The following FRMD1 variants were observed in gnomAD, a reference collection of about 807,000 sequenced individuals.
The protein encoded by FRMD1 is FERM domain containing 1.
A neutral mutation model predicts 54.9 loss-of-function variants in FRMD1; 51 were observed. The ratio of observed to expected loss-of-function variants is 0.93; its 90% confidence interval spans 0.74 to 1.17. The LOEUF is 1.17. FRMD1 is among the 50% of genes most tolerant of loss of function. The pLI, the probability that FRMD1 is intolerant of heterozygous loss-of-function variation, is 0.00. For missense variants in FRMD1, 729 were observed against 743.0 expected (o/e 0.98, Z 0.22); for synonymous variants, 324 against 306.4 (o/e 1.06, Z -0.60).
chr6:168,075,803 C>T (rs1048737701), intron 1 of FRMD1: 39 of 1,550,052 alleles, frequency 2.5e-5, no homozygotes, highest in Middle Eastern at 1.7e-4. Context: ...CCTCTCACGG[C>T]AGCCTCTAAA....
At chr6:168,081,979 G>T (rs9455946), upstream of FRMD1, 1 of 154,670 alleles carries the variant, frequency 6.5e-6, no homozygotes, top group Non-Finnish European at 1.4e-5. Flanking sequence ...AAGCCTTCAA[G>T]ATACGGCAGG....
chr6:168,077,309 C>T (rs1447819750), intron 1 of FRMD1, among the ~76,000 whole-genome samples: 1 of 149,786 alleles, frequency 6.7e-6, no homozygotes, highest in Non-Finnish European at 1.5e-5. Context: ...TAACTGCAGA[C>T]ATAGACGACT....
chr6:168,072,055 C>G (rs79045726), intron 2 of FRMD1, among the ~76,000 whole-genome samples: 6,761 of 152,348 alleles, frequency 0.044, 203 homozygotes, highest in Non-Finnish European at 0.07. Context: ...TAGAAGCCAG[C>G]CGATGGCGTC....
rs73028311 is a variant in FRMD1, at chr6:168,059,504, C to T, written c.1343-316G>A. Among the ~76,000 whole-genome samples the T allele has an allele frequency of 0.019, 2,932 of 152,272 alleles. 36 individuals are homozygous for T. The highest frequency in any genetic ancestry group is 0.027 in the Non-Finnish European group (1,869 of 68,010). Reference sequence around the variant, plus strand: ...GGACCAGACACTCCAAGGGCAATGGCGGACACAGTGGCTTAGTGACAGGAA... The same window carrying T: ...GGACCAGACACTCCAAGGGCAATGGTGGACACAGTGGCTTAGTGACAGGAA... On this transcript the variant is annotated intron_variant, in intron 9 of 10. Coordinates refer to ENST00000283309, the MANE Select transcript of FRMD1 (RefSeq NM_024919.6). The surrounding 1 kb of genome is among the most constrained non-coding windows in gnomAD (Gnocchi z 4.4).
In FRMD1 at chr6:168,062,680, C is replaced by G; in HGVS notation, c.870+214G>C. 4 of 1,550,684 alleles carry G rather than the reference C, an allele frequency of 2.6e-6. 1 individual carries two copies. In the South Asian group the frequency reaches 4.8e-5, roughly 18 times the overall value. On this transcript the variant is annotated intron_variant, in intron 7 of 10. Transcript: ENST00000283309. The stretch of plus-strand genomic sequence containing the variant: ...CCCCCCAGACACCCACCAGAAATGC[C>G]AGCTTCCCAACGTGGGGCCAGGGGA...
chr6:168,075,860 CATTT>C, intron 1 of FRMD1: 291 of 1,429,388 alleles, frequency 2.0e-4, no homozygotes, highest in South Asian at 6.5e-4. Context: ...CCCGTGTCCA[CATTT>C]CCGGTGCCCG....
At position 168,062,743 on chromosome 6, in the gene FRMD1, C is replaced by A. The variant is rs536535026; in HGVS notation, c.870+151G>T. The A allele has an allele frequency of 9.9e-5, 155 of 1,566,944 alleles. 1 individual carries two copies. The highest frequency in any genetic ancestry group is 2.2e-5 in the Non-Finnish European group (25 of 1,156,066). On this transcript the variant is annotated intron_variant, in intron 7 of 10. Transcript: ENST00000283309. ...GCTGCGGAGCACGGTCCACCTCCTGCGGGACAGCAGAGGCAGGGCGCGTCC... is the reference window on the plus strand; with the variant it reads ...GCTGCGGAGCACGGTCCACCTCCTGAGGGACAGCAGAGGCAGGGCGCGTCC...
rs1401502771 is a variant in FRMD1 at position 168,063,057 on chromosome 6, A to T, written c.805-98T>A. 2.6e-5 allele frequency: 26 copies of T among 998,122 alleles called. No homozygotes were observed. The East Asian group carries it at 6.2e-4, about 24-fold the overall frequency. The allele number at this position is 998,122 out of a possible 1,614,324, so 61.8% of individuals were successfully genotyped here. ...AGTCTGGCTAGGGGCCGAGGGCTCCATGGACCAGGCTGAGCTCTGGGGCCC... is the reference window on the plus strand; with the variant it reads ...AGTCTGGCTAGGGGCCGAGGGCTCCTTGGACCAGGCTGAGCTCTGGGGCCC... On this transcript the variant is annotated intron_variant, in intron 6 of 10. Coordinates refer to ENST00000283309, the MANE Select transcript of FRMD1 (RefSeq NM_024919.6).
Position 168,055,958 on chromosome 6 carries a change from C to T in FRMD1, c.*1139G>A, listed in dbSNP as rs1799383179. ...CCATGGGGCTCAAGCTCATGCTTGT[C>T]TCCAGTGAGCTGGAGGGTGGTGTGG... On this transcript the variant is annotated 3_prime_UTR_variant, in exon 11 of 11. Transcript: ENST00000283309. 6.6e-6 allele frequency: 1 copy of T among 152,320 alleles called. No individual in the cohort carries two copies. The highest frequency in any genetic ancestry group is 2.1e-4 in the South Asian group (1 of 4,836). The allele number at this position is 152,320 out of a possible 1,614,324, so 9.4% of individuals were successfully genotyped here. A position where few individuals can be genotyped will look rare whatever the true frequency, so the allele number is the denominator to read the frequency against.
rs373299632 is a variant in FRMD1 at position 168,061,879 on chromosome 6, G to A, written c.973C>T (p.Arg325Cys). 8.8e-5 allele frequency: 140 copies of A among 1,587,644 alleles called. No individual in the cohort carries two copies. Among genetic ancestry groups the A allele is most frequent in the South Asian group, 7.1e-4 (62 of 87,186 alleles). The change falls in exon 8 of 11, where the codon CGC (arginine) becomes TGC (cysteine). Residue 325 changes from arginine (R) to cysteine (C), a missense_variant. Coordinates refer to ENST00000283309, the MANE Select transcript of FRMD1 (RefSeq NM_024919.6). Reference sequence around the variant, plus strand: ...CGGAGGTGGAGCTGGTGGCTGGCGCGCAGCAGGTGCAGCAGGTGCCTGGAC... The same window carrying A: ...CGGAGGTGGAGCTGGTGGCTGGCGCACAGCAGGTGCAGCAGGTGCCTGGAC... ...WRSRHLLHLLRASHQLHLRVR... is the reference protein window; with the variant it reads ...WRSRHLLHLLCASHQLHLRVR...
chr6:168,057,123 C>T lies in FRMD1; in HGVS notation c.1624G>A (p.Ala542Thr), dbSNP rs958472132. ...NCLALDLFGE[A>T]PPQEFVV ...TACACCACAAACTCCTGTGGTGGAG[C>T]CTCTCCGAACAGGTCCAGGGCGAGA... Residue 542 changes from alanine to threonine, a missense_variant, in exon 11 of 11, where the codon GCT (alanine) becomes ACT (threonine). Coordinates refer to ENST00000283309, the MANE Select transcript of FRMD1 (RefSeq NM_024919.6). The T allele has an allele frequency of 6.7e-7, 1 of 1,498,288 alleles. No individual in the cohort carries two copies. Among genetic ancestry groups the T allele is most frequent in the South Asian group, 1.4e-5 (1 of 73,300 alleles). The allele number at this position is 1,498,288 out of a possible 1,614,324, so 92.8% of individuals were successfully genotyped here.
intron 7 of FRMD1, 34 bp downstream of exon 7, chr6:168,062,860 A>C (rs1799824530): frequency 1.2e-6 from 2 of 1,608,120 alleles, no homozygotes; most frequent in African/African-American, 1.3e-5. Context: ...GGGCAGGACG[A>C]GGGGCTCTGT....
upstream of FRMD1, chr6:168,081,442 G>A (rs780805597): frequency 3.3e-5 from 51 of 1,535,478 alleles, no homozygotes; most frequent in African/African-American, 2.9e-4. Context: ...GGCAGAGGCC[G>A]CGAGGAAGAG....
chr6:168,076,325 C>A (rs540389059), intron 1 of FRMD1, among the ~76,000 whole-genome samples: 2 of 152,250 alleles, frequency 1.3e-5, no homozygotes. Context: ...GAGTATCCAG[C>A]TTACTAATCC....
chr6:168,064,240 A>T (rs940359128), intron 5 of FRMD1, among the ~76,000 whole-genome samples: 35 of 152,342 alleles, frequency 2.3e-4, no homozygotes, highest in African/African-American at 7.9e-4. Flanking sequence ...CAAAGGTGAG[A>T]AGGCCCCAAG....
chr6:168,066,523 A>T (rs1035048088), intron 4 of FRMD1: 2 of 1,277,514 alleles, frequency 1.6e-6, no homozygotes, highest in African/African-American at 3.1e-5. Flanking sequence ...CAAAACAAAA[A>T]GAAAAAGAAA....
intron 10 of FRMD1, 59 bp from the exon 11 acceptor site, chr6:168,057,398 A>T (rs1462147566): frequency 1.6e-5 from 26 of 1,576,760 alleles, no homozygotes; most frequent in Non-Finnish European, 2.2e-5. Context: ...ACCACCGCAC[A>T]CGGCAGCCAC....
chr6:168,080,318 C>T (rs958949655), upstream of FRMD1, among the ~76,000 whole-genome samples: 1 of 152,070 alleles, frequency 6.6e-6, no homozygotes, highest in Non-Finnish European at 1.5e-5. Context: ...CCCAGACCCT[C>T]GAGGCCACAC....
Position 168,060,771 on chromosome 6 carries a change from A to G in FRMD1, c.1332T>C (p.Gly444=). Residue 444 remains glycine, a synonymous_variant, in exon 9 of 11, where the codon GGT becomes GGC. Transcript: ENST00000283309. ...RTSRSHPSTR[G]DSQATRQEPC... ...CTCCCTCGGGCCCACCTTGGCTGTC[A>G]CCACGTGTGCTGGGGTGGCTGCGGC... 6.2e-7 allele frequency: 1 copy of G among 1,608,808 alleles called. No homozygotes were observed. The highest frequency in any genetic ancestry group is 8.5e-7 in the Non-Finnish European group (1 of 1,176,294).
Sources: gnomAD v4.1 joint callset for allele counts (sites outside exome capture counted in the v4.1 genomes callset) on GRCh38, gnomAD v4.1.1 for gene constraint, Gnocchi (gnomAD v3.1) non-coding constraint, MANE v1.5 for transcripts, NCBI Gene and HGNC (gene_info 2026-07-23, HGNC 2026-07-21) for gene names.